The following DNAH12 variants were observed in gnomAD, a reference collection of about 807,000 sequenced individuals.
DNAH12 encodes the protein dynein axonemal heavy chain 12, also known as axonemal beta dynein heavy chain 12.
In DNAH12, 285 loss-of-function variants were observed where a neutral mutation model predicts 371.5. The observed-to-expected ratio is 0.77, with a 90% CI of 0.70 to 0.85. The LOEUF (loss-of-function observed/expected upper bound fraction) is 0.85. DNAH12 is among the 40% of genes least tolerant of loss of function. The pLI is 0.00. For missense variants in DNAH12, 3,611 were observed against 3,689.4 expected, an observed-to-expected ratio of 0.98 and a Z score of 0.55; for synonymous variants, 1,200 against 1,213.0, an observed-to-expected ratio of 0.99 and a Z score of 0.22.
chr3:57,294,098 G>T, intron 73 of DNAH12, 127 bp from the exon 74 acceptor site: 2 of 737,742 alleles, frequency 2.7e-6, no homozygotes, highest in Non-Finnish European at 4.0e-6. Context: ...GATATATGAA[G>T]GTTTTACAGC....
intron 60 of DNAH12, among the ~76,000 whole-genome samples, chr3:57,336,848 G>C (rs1333391672): frequency 6.6e-6 from 1 of 152,134 alleles, no homozygotes; most frequent in Non-Finnish European, 1.5e-5. Context: ...CTCCCAACTG[G>C]TAAGAGACAG....
At chr3:57,453,086 CTTTTA>C (rs2065802805) in intron 24 of DNAH12, 71 bp from the exon 25 acceptor site, 3 of 1,477,294 alleles carry the variant, frequency 2.0e-6, no homozygotes, top group Admixed American at 5.6e-5. Context: ...AGTATTTTAT[CTTTTA>C]TAACAGCAAA....
chr3:57,520,143 G>C (rs1383373826), intron 4 of DNAH12: 1 of 418,622 alleles, frequency 2.4e-6, no homozygotes, highest in Non-Finnish European at 4.5e-6. Flanking sequence ...ACGGAGTTTC[G>C]CTCTTGTCGC....
intron 11 of DNAH12, among the ~76,000 whole-genome samples, chr3:57,499,339 T>C (rs981615864): frequency 2.0e-5 from 3 of 151,952 alleles, no homozygotes; most frequent in Non-Finnish European, 4.4e-5. Flanking sequence ...ACTGTACAAT[T>C]AAAATGGGTA....
intron 12 of DNAH12, among the ~76,000 whole-genome samples, chr3:57,483,950 CAAAAA>C (rs71088079): frequency 4.7e-5 from 3 of 64,106 alleles, no homozygotes; most frequent in Non-Finnish European, 8.2e-5. Context: ...GACCCTGTCT[CAAAAA>C]AAAAAAAAAA....
At chr3:57,433,915 AATT>A in intron 30 of DNAH12, 87 bp from the exon 31 acceptor site, 2 of 1,116,908 alleles carry the variant, frequency 1.8e-6, no homozygotes, top group Non-Finnish European at 2.3e-6. Flanking sequence ...ACCCTGTGAT[AATT>A]ACTACTTATA....
chr3:57,516,291 T>C (rs983945434), intron 4 of DNAH12, among the ~76,000 whole-genome samples: 1 of 151,752 alleles, frequency 6.6e-6, no homozygotes, highest in Admixed American at 6.6e-5. Context: ...CTCGAACTCC[T>C]GACCTTGTGA....
chr3:57,425,163 ACTTT>A (rs2064724820), intron 34 of DNAH12, 22 bp from the exon 35 acceptor site: 1 of 681,516 alleles, frequency 1.5e-6, no homozygotes, highest in East Asian at 2.7e-5. Context: ...AAATAAGATA[ACTTT>A]CTTAATTTTC....
rs1039585372 is a variant in DNAH12, at chr3:57,356,083, C to G, written c.9533+1093G>C. Among the ~76,000 whole-genome samples the G allele has an allele frequency of 4.6e-4, 70 of 152,240 alleles. 2 individuals are homozygous for G. In the East Asian group the frequency reaches 0.013, roughly 27 times the overall value. On this transcript the variant is annotated intron_variant, in intron 59 of 73. Transcript: ENST00000495027. The stretch of plus-strand genomic sequence containing the variant: ...CAGAACTGAGGTGTAATCCCCAACT[C>G]CAGTCTGACTCCAAAATTTGCATAC...
chr3:57,370,953 A>T (rs993882307), intron 55 of DNAH12, among the ~76,000 whole-genome samples: 4 of 152,224 alleles, frequency 2.6e-5, no homozygotes, highest in Non-Finnish European at 5.9e-5. Flanking sequence ...AAGCCTATGC[A>T]TAAAGAGATA....
At chr3:57,385,583 A>G (rs1039542221) in intron 47 of DNAH12, among the ~76,000 whole-genome samples, 154 bp from the exon 48 acceptor site, 4 of 152,190 alleles carry the variant, frequency 2.6e-5, no homozygotes, top group Non-Finnish European at 5.9e-5. Flanking sequence ...AAACAAAACT[A>G]TGAAAGTGTG....
chr3:57,433,785 G>C lies in DNAH12; in HGVS notation c.4699C>G (p.Leu1567Val), dbSNP rs1278263506. 1 of 1,548,956 alleles carries C rather than the reference G, an allele frequency of 6.5e-7. No individual in the cohort carries two copies. Among genetic ancestry groups the C allele is most frequent in the Non-Finnish European group, 8.7e-7 (1 of 1,146,322 alleles). ...GEPFAAKTKV[L>V]HVLADTLTLM... ...GTTAGCGTATCCGCCAGCACATGCA[G>C]AACTTTTGTCTTAGCAGCAAAAGGC... Residue 1567 changes from leucine to valine, a missense_variant, in exon 31 of 74, where the codon CTG becomes GTG. Physicochemically the swap from Leu to Val is conservative, Grantham distance 32. Coordinates refer to ENST00000495027, the MANE Select transcript of DNAH12 (RefSeq NM_001366028.2).
At chr3:57,346,987 C>G (rs2062558048) in intron 60 of DNAH12, among the ~76,000 whole-genome samples, 1 of 152,092 alleles carries the variant, frequency 6.6e-6, no homozygotes, top group African/African-American at 2.4e-5. Flanking sequence ...CCTTCTAAAA[C>G]AGAAAGCACC....
rs1301442401 is a variant in DNAH12, at chr3:57,365,454, G to A, written c.9167+1275C>T. The stretch of plus-strand genomic sequence containing the variant: ...TAGGGAACAACACACACTGGGGCCT[G>A]TCAGGGTGGGTAGGAGGAGGGAGAG... On this transcript the variant is annotated intron_variant, in intron 57 of 73. Transcript: ENST00000495027. 4.6e-5 allele frequency among the ~76,000 whole-genome samples: 7 copies of A among 152,228 alleles called. No homozygotes were observed. In the East Asian group the frequency reaches 1.4e-3, roughly 29 times the overall value.
intron 25 of DNAH12, among the ~76,000 whole-genome samples, chr3:57,447,491 G>A (rs761549840): frequency 2.2e-4 from 33 of 152,112 alleles, no homozygotes; most frequent in Non-Finnish European, 4.1e-4. Context: ...GGGGTAGGGG[G>A]AATAAGTGAA....
intron 4 of DNAH12, among the ~76,000 whole-genome samples, chr3:57,517,649 T>C (rs1292588173): frequency 6.6e-6 from 1 of 152,232 alleles, no homozygotes; most frequent in Non-Finnish European, 1.5e-5. Context: ...TAAAACCATT[T>C]CATCTCCTAA....
rs769028543 is a variant in DNAH12 at position 57,531,000 on chromosome 3, G to A, written c.171-7116C>T. The A allele has an allele frequency of 4.5e-4, 68 of 152,566 alleles. 1 individual carries two copies. Among genetic ancestry groups the A allele is most frequent in the Non-Finnish European group, 8.9e-4 (61 of 68,180 alleles). 9.5% of individuals were successfully genotyped at this position (152,566 alleles called of 1,614,324 possible). On this transcript the variant is annotated intron_variant, in intron 2 of 73. Transcript: ENST00000495027. ...CATCTGTACTATGTCTTGAAAAATT[G>A]TTATTGTTTTGATTGGTTCATCTTT...
chr3:57,470,621 T>A lies in DNAH12; in HGVS notation c.1927A>T (p.Arg643Ter). 1 of 1,536,838 alleles carries A rather than the reference T, an allele frequency of 6.5e-7. No individual in the cohort carries two copies. Among genetic ancestry groups the A allele is most frequent in the Non-Finnish European group, 8.7e-7 (1 of 1,143,904 alleles). The change falls in exon 16 of 74, where the codon AGA becomes TGA. Residue 643 changes from arginine to a stop codon, truncating the protein, a stop_gained. Transcript: ENST00000495027. LOFTEE classifies it high-confidence loss of function. The part of the protein sequence containing the change: ...ERMQQYVTDV[R>*]QLQKRIQESE... The stretch of plus-strand genomic sequence containing the variant: ...TCCTGAATACGTTTTTGTAGTTGTC[T>A]TACATCTGTCACATACTGAAAGTAA...
At position 57,451,431 on chromosome 3, in the gene DNAH12, G is replaced by A. The variant is rs529322528; in HGVS notation, c.3786+1412C>T. On this transcript the variant is annotated intron_variant, in intron 25 of 73. Coordinates refer to ENST00000495027, the MANE Select transcript of DNAH12 (RefSeq NM_001366028.2). ...AGATGGCTTGAGCCCAGGAGTTCAA[G>A]ACCAGCTTGGGCAAGCAACGTGGCT... Among the ~76,000 whole-genome samples, 42 of 152,246 alleles carry A rather than the reference G, an allele frequency of 2.8e-4. 1 individual carries two copies. The South Asian group carries it at 8.5e-3, about 31-fold the overall frequency.
Sources: gnomAD v4.1 joint callset for allele counts (sites outside exome capture counted in the v4.1 genomes callset) on GRCh38, gnomAD v4.1.1 for gene constraint, MANE v1.5 for transcripts, NCBI Gene and HGNC (gene_info 2026-07-23, HGNC 2026-07-21) for gene names.